The following HCRTR2 variants were observed in gnomAD, a reference collection of about 807,000 sequenced individuals.
HCRTR2 encodes hypocretin receptor 2, also known as orexin receptor type 2.
HCRTR2 carries 22 observed loss-of-function variants against 49.0 expected under a neutral mutation model. The observed-to-expected ratio is 0.45, with a 90% confidence interval of 0.32 to 0.64. The LOEUF (loss-of-function observed/expected upper bound fraction) is 0.64, where lower values mean the gene tolerates loss of function less well. HCRTR2 is among the 30% of genes least tolerant of loss of function. The pLI, the probability that HCRTR2 is intolerant of heterozygous loss-of-function variation, is 0.04. For synonymous variants in HCRTR2, 236 were observed against 205.3 expected, an observed-to-expected ratio of 1.15 and a Z score of -1.28; for missense variants, 491 against 559.4, an observed-to-expected ratio of 0.88 and a Z score of 1.23.
chr6:55,236,687 A>G lies in HCRTR2; in HGVS notation c.224-11952A>G, dbSNP rs1159672537. 4.6e-5 allele frequency among the ~76,000 whole-genome samples: 7 copies of G among 152,152 alleles called. 1 individual carries two copies. The highest frequency in any genetic ancestry group is 4.6e-4 in the Admixed American group (7 of 15,268). ...TGTCAATCCCAATATGACAACTTGGAGGTGATGCATTTTTTTCTTCCTGCT... is the reference window on the plus strand; with the variant it reads ...TGTCAATCCCAATATGACAACTTGGGGGTGATGCATTTTTTTCTTCCTGCT... On this transcript the variant is annotated intron_variant, in intron 1 of 6. Transcript: ENST00000370862.
chr6:55,258,818 C>T (rs1442225781), intron 3 of HCRTR2, among the ~76,000 whole-genome samples: 3 of 151,956 alleles, frequency 2.0e-5, no homozygotes, highest in Non-Finnish European at 2.9e-5. Flanking sequence ...TTTGGGAGGC[C>T]GAGATGGGCG....
intron 4 of HCRTR2, among the ~76,000 whole-genome samples, chr6:55,269,764 G>A (rs1340671621): frequency 6.6e-6 from 1 of 152,040 alleles, no homozygotes; most frequent in Non-Finnish European, 1.5e-5. Context: ...ATCAAGACCA[G>A]CATAGTCAAC....
chr6:55,133,210 C>G (rs1027732738), intron 1 of HCRTR2, among the ~76,000 whole-genome samples: 2 of 151,800 alleles, frequency 1.3e-5, no homozygotes, highest in Non-Finnish European at 3.0e-5. Flanking sequence ...TCGGTACAGT[C>G]TAGCAAGCCT....
chr6:55,274,283 ATTTT>A (rs1767034112), intron 4 of HCRTR2, among the ~76,000 whole-genome samples: 1 of 146,940 alleles, frequency 6.8e-6, no homozygotes, highest in African/African-American at 2.5e-5. Context: ...TTATACATAT[ATTTT>A]ATGAAATATA....
chr6:55,271,777 A>G (rs1379150706), intron 4 of HCRTR2, among the ~76,000 whole-genome samples: 2 of 152,154 alleles, frequency 1.3e-5, no homozygotes, highest in South Asian at 4.1e-4. Context: ...AAGGTGCTTA[A>G]CATCATTACT....
At chr6:55,211,484 CCT>C (rs1295476659) in intron 1 of HCRTR2, among the ~76,000 whole-genome samples, 4 of 151,926 alleles carry the variant, frequency 2.6e-5, no homozygotes, top group African/African-American at 9.7e-5. Flanking sequence ...AGACTTTTTC[CCT>C]CTCTTCTTAC....
At chr6:55,168,539 G>A (rs574600302) in intron 1 of HCRTR2, among the ~76,000 whole-genome samples, 1 of 152,192 alleles carries the variant, frequency 6.6e-6, no homozygotes, top group East Asian at 1.9e-4. Flanking sequence ...TTCTTTGTGT[G>A]TCAGTTTCTT....
intron 1 of HCRTR2, among the ~76,000 whole-genome samples, chr6:55,225,752 A>T (rs991831188): frequency 6.6e-6 from 1 of 152,226 alleles, no homozygotes; most frequent in African/African-American, 2.4e-5. Context: ...ACTGTAATCA[A>T]ATTGTAATTG....
At chr6:55,151,610 T>C (rs1405055447) in intron 1 of HCRTR2, among the ~76,000 whole-genome samples, 2 of 152,006 alleles carry the variant, frequency 1.3e-5, no homozygotes, top group Non-Finnish European at 2.9e-5. Context: ...CTATGAGGGC[T>C]GGAATCAGCT....
intron 1 of HCRTR2, among the ~76,000 whole-genome samples, chr6:55,245,503 A>ATATATATATATATATATATC (rs1402605395): frequency 6.4e-5 from 8 of 124,528 alleles, no homozygotes; most frequent in Non-Finnish European, 1.2e-4. Flanking sequence ...ATATATATAT[A>ATATATATATATATATATATC]TATCTTCCCC....
intron 3 of HCRTR2, among the ~76,000 whole-genome samples, chr6:55,260,673 T>G (rs1424740556): frequency 6.6e-6 from 1 of 152,102 alleles, no homozygotes; most frequent in Non-Finnish European, 1.5e-5. Flanking sequence ...TTTAGAAGCA[T>G]GAATATGGAG....
At chr6:55,194,640 A>G (rs1451434005) in intron 1 of HCRTR2, among the ~76,000 whole-genome samples, 1 of 152,134 alleles carries the variant, frequency 6.6e-6, no homozygotes, top group African/African-American at 2.4e-5. Context: ...TCTAATAAAC[A>G]TGATGAAAAA....
intron 1 of HCRTR2, among the ~76,000 whole-genome samples, chr6:55,124,377 GTAGT>G (rs1228377696): frequency 6.6e-6 from 1 of 152,176 alleles, no homozygotes; most frequent in African/African-American, 2.4e-5. Context: ...TATTTACCCA[GTAGT>G]TATTCAGGAG....
In HCRTR2 at chr6:55,255,253, G is replaced by A; in HGVS notation, c.520G>A (p.Val174Ile). The change falls in exon 3 of 7, where the codon GTC (valine) becomes ATC (isoleucine). Residue 174 changes from valine (V) to isoleucine (I), a missense_variant. Transcript: ENST00000370862. Reference sequence around the variant, plus strand: ...AGCAAAGCGGGCCCGTAACAGCATTGTCATCATCTGGATTGTCTCCTGCAT... The same window carrying A: ...AGCAAAGCGGGCCCGTAACAGCATTATCATCATCTGGATTGTCTCCTGCAT... ...STAKRARNSI[V>I]IIWIVSCIIM... The A allele has an allele frequency of 6.2e-7, 1 of 1,613,980 alleles. No individual in the cohort carries two copies.
At chr6:55,270,036 A>G (rs1766942039) in intron 4 of HCRTR2, among the ~76,000 whole-genome samples, 1 of 152,232 alleles carries the variant, frequency 6.6e-6, no homozygotes. Flanking sequence ...CATGGATTCC[A>G]TGCAGCAGTT....
intron 1 of HCRTR2, among the ~76,000 whole-genome samples, chr6:55,192,184 T>C (rs1158748612): frequency 6.6e-6 from 1 of 152,150 alleles, no homozygotes; most frequent in Non-Finnish European, 1.5e-5. Flanking sequence ...TTACATTCAG[T>C]TCAAGCTACT....
intron 1 of HCRTR2, among the ~76,000 whole-genome samples, chr6:55,179,209 G>C (rs1043241085): frequency 6.6e-6 from 1 of 152,022 alleles, no homozygotes; most frequent in African/African-American, 2.4e-5. Context: ...GCCCATTTTA[G>C]TTTCATGGGT....
chr6:55,162,029 A>C (rs1370499025), intron 1 of HCRTR2, among the ~76,000 whole-genome samples: 2 of 152,090 alleles, frequency 1.3e-5, no homozygotes, highest in African/African-American at 2.4e-5. Flanking sequence ...AGACATACAC[A>C]CAAAAAAGAA....
At chr6:55,110,686 C>T (rs1473165855) in intron 1 of HCRTR2, among the ~76,000 whole-genome samples, 1 of 151,752 alleles carries the variant, frequency 6.6e-6, no homozygotes, top group African/African-American at 2.4e-5. Context: ...TATCACAGTC[C>T]TAAATATAAA....
Sources: gnomAD v4.1 joint callset for allele counts (sites outside exome capture counted in the v4.1 genomes callset) on GRCh38, gnomAD v4.1.1 for gene constraint, MANE v1.5 for transcripts, NCBI Gene and HGNC (gene_info 2026-07-23, HGNC 2026-07-21) for gene names.